Variants in PLCB4 observed in about 807,000 individuals in gnomAD.
The protein encoded by PLCB4 is phospholipase C beta 4.
PLCB4 carries 77 observed loss-of-function variants against 178.8 expected under a neutral mutation model. The ratio of observed to expected loss-of-function variants is 0.43; its 90% CI spans 0.36 to 0.52. PLCB4 has a LOEUF of 0.52. Ranked by LOEUF, PLCB4 falls within the 20% of genes least tolerant of loss-of-function variation. The probability of loss-of-function intolerance (pLI) is 0.00; values close to 1 mark genes in which losing one functional copy is unlikely to be tolerated. For missense variants in PLCB4, 1,024 were observed against 1,453.4 expected, an observed-to-expected ratio of 0.70 and a Z score of 4.80; for synonymous variants, 496 against 490.8, an observed-to-expected ratio of 1.01 and a Z score of -0.14.
chr20:9,382,859 C>T (rs2037259852), intron 13 of PLCB4, among the ~76,000 whole-genome samples: 1 of 152,174 alleles, frequency 6.6e-6, no homozygotes, highest in Non-Finnish European at 1.5e-5. Flanking sequence ...TGCATCTATC[C>T]TGGTGCCTCT....
intron 2 of PLCB4, among the ~76,000 whole-genome samples, chr20:9,213,808 A>C (rs2093699478): frequency 6.6e-6 from 1 of 152,098 alleles, no homozygotes; most frequent in African/African-American, 2.4e-5. Flanking sequence ...AATTTCTCTA[A>C]ATTCTTGTCA....
chr20:9,452,377 T>C (rs2042819342), intron 32 of PLCB4, among the ~76,000 whole-genome samples: 1 of 152,228 alleles, frequency 6.6e-6, no homozygotes, highest in Non-Finnish European at 1.5e-5. Flanking sequence ...AAAGGAAATA[T>C]GACGGTGAGA....
At chr20:9,080,686 C>A (rs6118475) in intron 1 of PLCB4, among the ~76,000 whole-genome samples, 1 of 152,080 alleles carries the variant, frequency 6.6e-6, no homozygotes, top group Admixed American at 6.6e-5. Flanking sequence ...TAAACTCTTT[C>A]TGTATAAGAT....
At chr20:9,234,720 C>T (rs2093973825) in intron 3 of PLCB4, among the ~76,000 whole-genome samples, 2 of 152,054 alleles carry the variant, frequency 1.3e-5, no homozygotes, top group Admixed American at 1.3e-4. Flanking sequence ...CTGAAATTTT[C>T]ATAGGTTGAC....
At chr20:9,445,862 T>A (rs886721679) in intron 32 of PLCB4, among the ~76,000 whole-genome samples, 3 of 152,242 alleles carry the variant, frequency 2.0e-5, no homozygotes, top group Admixed American at 6.5e-5. Context: ...TTATTTGGAA[T>A]AGAGTGGATG....
chr20:9,408,932 A>G (rs2039661030), intron 23 of PLCB4, 125 bp from the exon 24 acceptor site: 3 of 858,440 alleles, frequency 3.5e-6, no homozygotes, highest in Middle Eastern at 3.0e-4. Flanking sequence ...TGTAAATGTG[A>G]AATCTGCTCT....
chr20:9,328,962 A>T (rs1490634059), intron 4 of PLCB4, among the ~76,000 whole-genome samples: 1 of 152,188 alleles, frequency 6.6e-6, no homozygotes, highest in East Asian at 1.9e-4. Context: ...AGGAGGGGGT[A>T]TGTGATTTAC....
chr20:9,202,431 A>G (rs898573921), intron 2 of PLCB4, among the ~76,000 whole-genome samples: 1 of 152,228 alleles, frequency 6.6e-6, no homozygotes, highest in African/African-American at 2.4e-5. Flanking sequence ...CTCTGATGCC[A>G]GGCATTGATG....
At chr20:9,451,985 G>A (rs1017777557) in intron 32 of PLCB4, among the ~76,000 whole-genome samples, 3 of 152,072 alleles carry the variant, frequency 2.0e-5, no homozygotes, top group Admixed American at 6.6e-5. Context: ...GATTTATGGG[G>A]CATTCCAATT....
chr20:9,178,974 T>C (rs553412102), intron 2 of PLCB4, among the ~76,000 whole-genome samples: 1 of 152,344 alleles, frequency 6.6e-6, no homozygotes, highest in South Asian at 2.1e-4. Flanking sequence ...ATGTTTAAAT[T>C]GTCAACATTT....
intron 3 of PLCB4, among the ~76,000 whole-genome samples, chr20:9,243,150 CA>C (rs1265256884): frequency 6.6e-6 from 1 of 152,080 alleles, no homozygotes; most frequent in Non-Finnish European, 1.5e-5. Context: ...TTTTACCTGG[CA>C]GCCTTGGAAA....
intron 3 of PLCB4, among the ~76,000 whole-genome samples, chr20:9,218,702 C>T (rs1476018131): frequency 6.6e-6 from 1 of 152,222 alleles, no homozygotes; most frequent in Non-Finnish European, 1.5e-5. Flanking sequence ...CAACCTGACA[C>T]TTCTCTAAGT....
At chr20:9,082,896 A>G (rs915358350) in intron 1 of PLCB4, among the ~76,000 whole-genome samples, 8 of 152,204 alleles carry the variant, frequency 5.3e-5, no homozygotes, top group African/African-American at 1.7e-4. Flanking sequence ...GTATTAACAC[A>G]TATCCTGGCA....
rs372719530 is a variant in PLCB4, at chr20:9,233,603, T to C, written c.-16+16151T>C. The stretch of plus-strand genomic sequence containing the variant: ...GGTAATGTTTGAGCTTAGATCCAAA[T>C]GATGAGAAAGAGCCAGGAATGTGAA... On this transcript the variant is annotated intron_variant, in intron 3 of 39. Coordinates refer to ENST00000378473, the MANE Select transcript of PLCB4 (RefSeq NM_001377142.1). Among the ~76,000 whole-genome samples the C allele has an allele frequency of 5.3e-5, 8 of 152,128 alleles. No individual in the cohort carries two copies. In the East Asian group the frequency reaches 9.6e-4, roughly 18 times the overall value.
intron 14 of PLCB4, 49 bp downstream of exon 14, chr20:9,384,460 G>A (rs777968492): frequency 4.7e-6 from 6 of 1,275,368 alleles, no homozygotes; most frequent in South Asian, 3.6e-5. Flanking sequence ...ATGCCCTTCA[G>A]TTTAATTTAC....
chr20:9,380,710 G>A (rs2037069828), intron 13 of PLCB4, among the ~76,000 whole-genome samples: 1 of 152,146 alleles, frequency 6.6e-6, no homozygotes, highest in Non-Finnish European at 1.5e-5. Flanking sequence ...ACAAAGGGTT[G>A]TTCGCACAAA....
At chr20:9,106,980 G>A (rs765211536) in intron 2 of PLCB4, among the ~76,000 whole-genome samples, 1 of 152,254 alleles carries the variant, frequency 6.6e-6, no homozygotes, top group African/African-American at 2.4e-5. Context: ...TTAAGCAAAT[G>A]TATATTCATT....
chr20:9,143,524 C>G (rs1447421459), intron 2 of PLCB4, among the ~76,000 whole-genome samples: 1 of 151,988 alleles, frequency 6.6e-6, no homozygotes, highest in African/African-American at 2.4e-5. Flanking sequence ...CAGAAAGTTT[C>G]AGTACTAAAT....
At chr20:9,298,562 C>T (rs1210984542) in intron 3 of PLCB4, among the ~76,000 whole-genome samples, 4 of 152,044 alleles carry the variant, frequency 2.6e-5, no homozygotes, top group Non-Finnish European at 4.4e-5. Flanking sequence ...AAACCTATAA[C>T]ACGATCACAA....
Sources: gnomAD v4.1 joint callset for allele counts (sites outside exome capture counted in the v4.1 genomes callset) on GRCh38, gnomAD v4.1.1 for gene constraint, MANE v1.5 for transcripts, NCBI Gene and HGNC (gene_info 2026-07-23, HGNC 2026-07-21) for gene names.